The following STK38 variants were observed in gnomAD, a reference collection of about 807,000 sequenced individuals.
STK38 encodes the protein serine/threonine kinase 38.
A neutral mutation model predicts 59.0 loss-of-function variants in STK38; 26 were observed. The observed-to-expected ratio is 0.44, with a 90% CI of 0.32 to 0.61. The LOEUF (loss-of-function observed/expected upper bound fraction) is 0.61, where lower values mean the gene tolerates loss of function less well. Ranked by LOEUF, STK38 falls within the 20% of genes least tolerant of loss-of-function variation. The pLI, the probability that STK38 is intolerant of heterozygous loss-of-function variation, is 0.04. For synonymous variants in STK38, 175 were observed against 176.6 expected, an observed-to-expected ratio of 0.99 and a Z score of 0.07; for missense variants, 433 against 566.0, an observed-to-expected ratio of 0.76 and a Z score of 2.38.
rs1357549101 is a variant in STK38, at chr6:36,509,414, A to G, written c.670-1812T>C. 3.9e-5 allele frequency among the ~76,000 whole-genome samples: 6 copies of G among 152,342 alleles called. No homozygotes were observed. In the South Asian group the frequency reaches 6.2e-4, roughly 16 times the overall value. The stretch of plus-strand genomic sequence containing the variant: ...ATTGTAGAAAGAAGCAAACCTTCTT[A>G]GAAGGCTGGGAAGTTTTACAAAAGC... On this transcript the variant is annotated intron_variant, in intron 7 of 13. Transcript: ENST00000229812.
chr6:36,515,386 T>C lies in STK38; in HGVS notation c.621A>G (p.Gly207=). The C allele has an allele frequency of 6.2e-7, 1 of 1,614,070 alleles. No individual in the cohort carries two copies. Among genetic ancestry groups the C allele is most frequent in the Non-Finnish European group, 8.5e-7 (1 of 1,180,016 alleles). Residue 207 remains glycine, a synonymous_variant, in exon 7 of 14, where the codon GGA becomes GGG. Transcript: ENST00000229812. ...CTGGTTTGATGTCTCTGTGGATGAA[T>C]CCAAGTTGGTGAATAGAGTCTATGG... The part of the protein sequence containing the change: ...VLAIDSIHQL[G]FIHRDIKPDN...
chr6:36,509,255 G>A (rs1483108164), intron 7 of STK38, among the ~76,000 whole-genome samples: 3 of 152,130 alleles, frequency 2.0e-5, no homozygotes, highest in East Asian at 1.9e-4. Context: ...GACCCAAAGT[G>A]GGTTGCTCCT....
intron 13 of STK38, 27 bp downstream of exon 13, chr6:36,496,684 A>T: frequency 6.5e-7 from 1 of 1,547,558 alleles, no homozygotes; most frequent in Non-Finnish European, 8.9e-7. Flanking sequence ...CTTATAAGGC[A>T]GCAGGAGACA....
At position 36,498,670 on chromosome 6, in the gene STK38, C is replaced by T. The variant is rs553932018; in HGVS notation, c.953-184G>A. ...TGGCACAATCATGGTTCACTGCAGC[C>T]TTGAATTCCTGGGCTCAAGTGATCT... is the stretch of plus-strand genomic sequence containing the variant. On this transcript the variant is annotated intron_variant, in intron 10 of 13. Transcript: ENST00000229812. Among the ~76,000 whole-genome samples the T allele has an allele frequency of 4.0e-5, 6 of 151,322 alleles. No homozygotes were observed. In the South Asian group the frequency reaches 8.3e-4, roughly 21 times the overall value.
chr6:36,500,077 A>G (rs1216159737), intron 9 of STK38, 87 bp from the exon 10 acceptor site: 44 of 965,260 alleles, frequency 4.6e-5, no homozygotes, highest in Non-Finnish European at 1.5e-5. Context: ...TATGAGTAAC[A>G]TCAGAAGCTA....
chr6:36,544,276 C>T (rs986224984), intron 1 of STK38, among the ~76,000 whole-genome samples: 43 of 151,724 alleles, frequency 2.8e-4, no homozygotes, highest in Admixed American at 7.2e-4. Flanking sequence ...GGGGAAGTTT[C>T]GACTAATACC....
At chr6:36,504,212 T>C (rs1776907052) in intron 9 of STK38, among the ~76,000 whole-genome samples, 1 of 152,232 alleles carries the variant, frequency 6.6e-6, no homozygotes, top group African/African-American at 2.4e-5. Context: ...ACCTTTTATA[T>C]CTGTAATTAA....
chr6:36,525,517 A>T, intron 3 of STK38, 74 bp downstream of exon 3: 1 of 1,401,516 alleles, frequency 7.1e-7, no homozygotes, highest in Non-Finnish European at 1.0e-6. Context: ...ATGTGTACCA[A>T]GGCTAACAAC....
At chr6:36,517,584 A>G (rs1777286146) in intron 6 of STK38, 133 bp downstream of exon 6, 3 of 1,166,296 alleles carry the variant, frequency 2.6e-6, no homozygotes, top group East Asian at 5.0e-5. Context: ...GACTTCCTTT[A>G]TAGACCTAAA....
At chr6:36,513,236 T>C (rs1777155096) in intron 7 of STK38, among the ~76,000 whole-genome samples, 1 of 151,898 alleles carries the variant, frequency 6.6e-6, no homozygotes, top group Non-Finnish European at 1.5e-5. Flanking sequence ...GCCAGGCTGG[T>C]CTTGAGCTCC....
At chr6:36,502,473 A>G (rs1410690209) in intron 9 of STK38, among the ~76,000 whole-genome samples, 1 of 152,148 alleles carries the variant, frequency 6.6e-6, no homozygotes, top group Non-Finnish European at 1.5e-5. Context: ...GGAATTCTTT[A>G]TGAATTCAGG....
chr6:36,507,887 T>C (rs1777004857), intron 7 of STK38, among the ~76,000 whole-genome samples: 1 of 152,088 alleles, frequency 6.6e-6, no homozygotes, highest in Non-Finnish European at 1.5e-5. Flanking sequence ...ATTTTACTAC[T>C]TCTTGTACTC....
intron 2 of STK38, among the ~76,000 whole-genome samples, chr6:36,537,076 A>G (rs138505188): frequency 1.3e-5 from 2 of 152,262 alleles, no homozygotes; most frequent in African/African-American, 4.8e-5. Flanking sequence ...GCAACTCAAT[A>G]ATAAAGACAA....
At chr6:36,517,121 T>TC (rs1777275309) in intron 6 of STK38, among the ~76,000 whole-genome samples, 1 of 150,196 alleles carries the variant, frequency 6.7e-6, no homozygotes, top group South Asian at 2.1e-4. Flanking sequence ...TCTTTTTTTT[T>TC]CCCACCAGAG....
intron 2 of STK38, among the ~76,000 whole-genome samples, chr6:36,527,205 A>ATATATATATATAT (rs1401899969): frequency 9.8e-5 from 11 of 112,758 alleles, no homozygotes; most frequent in African/African-American, 3.7e-4. Flanking sequence ...AAAAAAAAAA[A>ATATATATATATAT]AAATATATGT....
chr6:36,511,732 T>TCTTA (rs1554167316), intron 7 of STK38, among the ~76,000 whole-genome samples: 1 of 151,978 alleles, frequency 6.6e-6, no homozygotes, highest in Non-Finnish European at 1.5e-5. Flanking sequence ...TGATTACATA[T>TCTTA]CTTACCTGGA....
At chr6:36,506,892 G>A (rs1561975745) in intron 8 of STK38, among the ~76,000 whole-genome samples, 1 of 152,150 alleles carries the variant, frequency 6.6e-6, no homozygotes, top group Non-Finnish European at 1.5e-5. Context: ...AGTGGCAGAG[G>A]ATACAGTACA....
chr6:36,515,789 G>A (rs968469234), intron 6 of STK38, among the ~76,000 whole-genome samples: 7 of 152,152 alleles, frequency 4.6e-5, no homozygotes, highest in Non-Finnish European at 1.0e-4. Flanking sequence ...ATTTGCTTAG[G>A]ATAATTTTTT....
intron 8 of STK38, among the ~76,000 whole-genome samples, chr6:36,506,963 C>CT (rs1303200272): frequency 8.6e-5 from 13 of 152,022 alleles, no homozygotes. Context: ...TAACGTGGAC[C>CT]TAAAACAGTC....
Sources: allele counts gnomAD v4.1 joint callset (sites outside exome capture counted in the v4.1 genomes callset), GRCh38; gene constraint gnomAD v4.1.1; transcripts MANE v1.5; gene names NCBI Gene and HGNC (gene_info 2026-07-23, HGNC 2026-07-21).